The following EBF2 variants were observed in gnomAD, a reference collection of about 807,000 sequenced individuals.
The protein encoded by EBF2 is transcription factor COE2.
EBF2 carries 21 observed loss-of-function variants against 72.8 expected under a neutral mutation model. The ratio of observed to expected loss-of-function variants is 0.29; its 90% confidence interval spans 0.20 to 0.42. The LOEUF is 0.42. Ranked by LOEUF, EBF2 falls within the 10% of genes least tolerant of loss-of-function variation. EBF2 has a pLI of 1.00. For synonymous variants in EBF2, 299 were observed against 274.2 expected (o/e 1.09, Z -0.89); for missense variants, 637 against 731.2 (o/e 0.87, Z 1.49).
intron 6 of EBF2, among the ~76,000 whole-genome samples, chr8:26,025,237 C>A: frequency 6.6e-6 from 1 of 152,068 alleles, no homozygotes; most frequent in East Asian, 1.9e-4. Flanking sequence ...ATGTTGGGAC[C>A]TAGGTACCAT....
intron 6 of EBF2, among the ~76,000 whole-genome samples, chr8:25,962,773 G>A (rs1563193917): frequency 6.6e-6 from 1 of 152,196 alleles, no homozygotes; most frequent in African/African-American, 2.4e-5. Context: ...GATGTGACAT[G>A]GTGTCTTACT....
chr8:25,982,623 C>A (rs1175443790), intron 6 of EBF2, among the ~76,000 whole-genome samples: 1 of 152,148 alleles, frequency 6.6e-6, no homozygotes, highest in East Asian at 1.9e-4. Flanking sequence ...TGCATTTATA[C>A]CACCTTCCAA....
intron 6 of EBF2, among the ~76,000 whole-genome samples, chr8:25,920,859 C>T (rs1409578904): frequency 6.6e-6 from 1 of 151,566 alleles, no homozygotes; most frequent in Non-Finnish European, 1.5e-5. Flanking sequence ...TGCTCTCTCC[C>T]AAGTTTCCAA....
intron 6 of EBF2, among the ~76,000 whole-genome samples, chr8:25,933,512 G>T (rs916994001): frequency 6.6e-6 from 1 of 152,112 alleles, no homozygotes; most frequent in Non-Finnish European, 1.5e-5. Context: ...CTTTCTGGCT[G>T]TATGGCGATA....
intron 6 of EBF2, among the ~76,000 whole-genome samples, chr8:25,979,717 G>C (rs1017712203): frequency 6.6e-6 from 1 of 151,744 alleles, no homozygotes; most frequent in South Asian, 2.1e-4. Context: ...CCCTTCTGAC[G>C]TCCTTAGCCA....
At chr8:25,890,539 C>T (rs1016342609) in intron 7 of EBF2, among the ~76,000 whole-genome samples, 5 of 152,052 alleles carry the variant, frequency 3.3e-5, no homozygotes, top group African/African-American at 1.2e-4. Flanking sequence ...GGCTTCTGTC[C>T]CCTAACTTGC....
intron 15 of EBF2, among the ~76,000 whole-genome samples, chr8:25,850,350 G>C (rs1210064022): frequency 1.3e-5 from 2 of 152,162 alleles, no homozygotes; most frequent in Non-Finnish European, 2.9e-5. Flanking sequence ...TGACCTCCAA[G>C]TGATCCACCT....
intron 6 of EBF2, among the ~76,000 whole-genome samples, chr8:26,021,439 G>A (rs1805201696): frequency 6.6e-6 from 1 of 152,192 alleles, no homozygotes; most frequent in Admixed American, 6.5e-5. Flanking sequence ...TGGGTCTGAA[G>A]TCAGTTATGG....
intron 6 of EBF2, among the ~76,000 whole-genome samples, chr8:25,984,429 C>A (rs1399344791): frequency 3.3e-5 from 5 of 152,092 alleles, no homozygotes; most frequent in African/African-American, 9.7e-5. Flanking sequence ...CGCCTGTAAT[C>A]CCCAGCACTT....
chr8:25,869,447 T>C (rs745344989), intron 10 of EBF2, among the ~76,000 whole-genome samples: 5 of 152,192 alleles, frequency 3.3e-5, no homozygotes, highest in Non-Finnish European at 5.9e-5. Context: ...TACGACCCTG[T>C]GTGCACATGC....
intron 15 of EBF2, among the ~76,000 whole-genome samples, chr8:25,849,059 C>T (rs2117245283): frequency 6.6e-6 from 1 of 152,332 alleles, no homozygotes; most frequent in Non-Finnish European, 1.5e-5. Flanking sequence ...CACTTAGCTA[C>T]AGGCTCAGCC....
At position 25,853,324 on chromosome 8, in the gene EBF2, C is replaced by G. The variant is rs1802020834; in HGVS notation, c.1529-2563G>C. On this transcript the variant is annotated intron_variant, in intron 14 of 15. Transcript: ENST00000520164. ...AGATATGTTCATATCCTCAATAGCT[C>G]ATAAGTTAATTGGAAAAAGAAAAAC... Among the ~76,000 whole-genome samples, 3 of 150,688 alleles carry G rather than the reference C, an allele frequency of 2.0e-5. No individual in the cohort carries two copies. The South Asian group carries it at 6.6e-4, about 33-fold the overall frequency.
chr8:25,997,136 G>A lies in EBF2; in HGVS notation c.551+35949C>T, dbSNP rs1585220767. Among the ~76,000 whole-genome samples, 3 of 152,270 alleles carry A rather than the reference G, an allele frequency of 2.0e-5. No homozygotes were observed. In the South Asian group the frequency reaches 6.2e-4, roughly 32 times the overall value. ...GAGCAGAACTTGCAGGTGGTGTGGT[G>A]TGGTGTGACCCACTCCCTACCGCCC... On this transcript the variant is annotated intron_variant, in intron 6 of 15. Coordinates refer to ENST00000520164, the MANE Select transcript of EBF2 (RefSeq NM_022659.4).
intron 6 of EBF2, among the ~76,000 whole-genome samples, chr8:25,923,536 A>G (rs1803338998): frequency 6.6e-6 from 1 of 152,244 alleles, no homozygotes; most frequent in Admixed American, 6.5e-5. Context: ...GTCTATAAAA[A>G]AGCAGATTTC....
rs1391912505 is a variant in EBF2 at position 25,843,455 on chromosome 8, C to G, written c.*1154G>C. 1.3e-5 allele frequency: 2 copies of G among 152,202 alleles called. No individual in the cohort carries two copies. Among genetic ancestry groups the G allele is most frequent in the Non-Finnish European group, 2.9e-5 (2 of 68,080 alleles). 9.4% of individuals were successfully genotyped at this position (152,202 alleles called of 1,614,324 possible). ...TTCTATGGGGCTGTGTACCTCTGTACTGAACCAGGCACCCAAAGCGGAGGG... is the reference window on the plus strand; with the variant it reads ...TTCTATGGGGCTGTGTACCTCTGTAGTGAACCAGGCACCCAAAGCGGAGGG... On this transcript the variant is annotated 3_prime_UTR_variant, in exon 16 of 16. Coordinates refer to ENST00000520164, the MANE Select transcript of EBF2 (RefSeq NM_022659.4).
At chr8:26,030,186 A>G (rs1168929192) in intron 6 of EBF2, among the ~76,000 whole-genome samples, 3 of 152,230 alleles carry the variant, frequency 2.0e-5, no homozygotes, top group African/African-American at 7.2e-5. Context: ...CCCGAAAGAC[A>G]TTCAGGAGCG....
At chr8:25,855,123 G>T (rs111498675) in intron 14 of EBF2, among the ~76,000 whole-genome samples, 1 of 152,256 alleles carries the variant, frequency 6.6e-6, no homozygotes. Context: ...AGAAAAGTAC[G>T]TCTGGCCCAG....
chr8:25,851,424 A>G (rs914969456), intron 14 of EBF2, among the ~76,000 whole-genome samples: 1 of 152,214 alleles, frequency 6.6e-6, no homozygotes, highest in African/African-American at 2.4e-5. Flanking sequence ...TAGTGATATT[A>G]ACATTAAAAT....
At chr8:25,992,326 T>C (rs1440029267) in intron 6 of EBF2, among the ~76,000 whole-genome samples, 33 of 104,872 alleles carry the variant, frequency 3.1e-4, no homozygotes, top group African/African-American at 1.2e-3. Context: ...AGCGTGAGAC[T>C]CTGTCTCAAA....
Sources: allele counts gnomAD v4.1 joint callset (sites outside exome capture counted in the v4.1 genomes callset), GRCh38; gene constraint gnomAD v4.1.1; transcripts MANE v1.5; gene names NCBI Gene and HGNC (gene_info 2026-07-23, HGNC 2026-07-21).